Variants in RAB11FIP3 observed in about 807,000 individuals in gnomAD.
RAB11FIP3 encodes RAB11 family interacting protein 3.
In RAB11FIP3, 17 loss-of-function variants were observed where a neutral mutation model predicts 77.8. The ratio of observed to expected loss-of-function variants is 0.22; its 90% CI spans 0.15 to 0.33. The LOEUF is 0.33. RAB11FIP3 is among the 10% of genes least tolerant of loss of function. The pLI is 1.00. For missense variants in RAB11FIP3, 1,005 were observed against 1,011.2 expected (o/e 0.99, Z 0.08); for synonymous variants, 437 against 448.2 (o/e 0.98, Z 0.31).
intron 1 of RAB11FIP3, among the ~76,000 whole-genome samples, chr16:454,631 C>T (rs764469093): frequency 7.2e-5 from 11 of 152,122 alleles, no homozygotes; most frequent in Non-Finnish European, 1.5e-5. Context: ...ATGAAAACAC[C>T]CCTGTCTCTG....
At position 519,037 on chromosome 16, in the gene RAB11FIP3, C is replaced by G; in HGVS notation, c.1722+13C>G. On this transcript the variant is annotated intron_variant, in intron 10 of 13. Coordinates refer to ENST00000262305, the MANE Select transcript of RAB11FIP3 (RefSeq NM_014700.4). ...GCGTCTGGAGGAGGTGAGCTGCCAACAGCCTGGAGCTGTGGCCAGTGGGGC... is the reference window on the plus strand; with the variant it reads ...GCGTCTGGAGGAGGTGAGCTGCCAAGAGCCTGGAGCTGTGGCCAGTGGGGC... 1 of 1,612,530 alleles carries G rather than the reference C, an allele frequency of 6.2e-7. No homozygotes were observed. The highest frequency in any genetic ancestry group is 8.5e-7 in the Non-Finnish European group (1 of 1,179,560).
intron 3 of RAB11FIP3, among the ~76,000 whole-genome samples, chr16:477,205 G>A (rs571573434): frequency 6.6e-6 from 1 of 152,070 alleles, no homozygotes; most frequent in Non-Finnish European, 1.5e-5. Context: ...AGTGAGCCAA[G>A]ATGGCGCCAC....
At chr16:515,587 C>T (rs1431540455) in intron 9 of RAB11FIP3, among the ~76,000 whole-genome samples, 2 of 151,928 alleles carry the variant, frequency 1.3e-5, no homozygotes, top group Non-Finnish European at 2.9e-5. Flanking sequence ...GTGTTTGCAT[C>T]TCGGAGCAGC....
chr16:470,394 A>G (rs1055332323), intron 2 of RAB11FIP3, among the ~76,000 whole-genome samples: 11 of 152,214 alleles, frequency 7.2e-5, no homozygotes, highest in African/African-American at 2.7e-4. Flanking sequence ...CAGCCTCCCA[A>G]AGTGCTGGGA....
At chr16:438,383 G>A (rs1303848825) in intron 1 of RAB11FIP3, among the ~76,000 whole-genome samples, 1 of 150,844 alleles carries the variant, frequency 6.6e-6, no homozygotes, top group Non-Finnish European at 1.5e-5. Context: ...TGGGATTACA[G>A]GCATGAGCCG....
At chr16:485,306 C>T (rs938797206) in intron 4 of RAB11FIP3, among the ~76,000 whole-genome samples, 1 of 152,182 alleles carries the variant, frequency 6.6e-6, no homozygotes, top group Non-Finnish European at 1.5e-5. Flanking sequence ...CTTTTTCTCA[C>T]TGATTATAGG....
At chr16:480,592 C>T (rs917109917) in intron 3 of RAB11FIP3, among the ~76,000 whole-genome samples, 18 of 152,006 alleles carry the variant, frequency 1.2e-4, no homozygotes, top group African/African-American at 3.6e-4. Context: ...CTCCACCTCC[C>T]GGGTTCAAGC....
chr16:508,038 T>C (rs1163905893), intron 8 of RAB11FIP3, among the ~76,000 whole-genome samples: 3 of 152,270 alleles, frequency 2.0e-5, no homozygotes, highest in African/African-American at 7.2e-5. Flanking sequence ...CGTTTTCTTC[T>C]GTTTTGCCAA....
In RAB11FIP3 at chr16:483,625, T is replaced by C. The variant is rs537986052; in HGVS notation, c.1115+889T>C. ...AGAATGGCTCTACAGGACTGTGTCTTGTGGGGAAAGTCTGCACCCTGTAGA... is the reference window on the plus strand; with the variant it reads ...AGAATGGCTCTACAGGACTGTGTCTCGTGGGGAAAGTCTGCACCCTGTAGA... On this transcript the variant is annotated intron_variant, in intron 4 of 13. Coordinates refer to ENST00000262305, the MANE Select transcript of RAB11FIP3 (RefSeq NM_014700.4). Among the ~76,000 whole-genome samples, 262 of 152,252 alleles carry C rather than the reference T, an allele frequency of 1.7e-3. 1 individual carries two copies. Among genetic ancestry groups the C allele is most frequent in the African/African-American group, 6.1e-3 (252 of 41,554 alleles).
intron 9 of RAB11FIP3, among the ~76,000 whole-genome samples, chr16:512,401 C>T (rs1335677584): frequency 3.3e-5 from 5 of 151,844 alleles, no homozygotes; most frequent in South Asian, 2.1e-4. Flanking sequence ...CCACCACGCC[C>T]GGCTAATTTT....
intron 1 of RAB11FIP3, among the ~76,000 whole-genome samples, chr16:447,317 A>T (rs2055333241): frequency 6.6e-6 from 1 of 151,714 alleles, no homozygotes; most frequent in South Asian, 2.1e-4. Flanking sequence ...AAAAGGAAAA[A>T]AGAGAGTCAG....
rs931718492 is a variant in RAB11FIP3, at chr16:511,818, TAGG to T, written c.1640+1021_1640+1023del. ...CCCACCCCAGAAACTGCAGGCCAGG[TAGG>T]AGAGGTTCCTGACGGCCCGCCAACC... On this transcript the variant is annotated intron_variant, in intron 9 of 13. Coordinates refer to ENST00000262305, the MANE Select transcript of RAB11FIP3 (RefSeq NM_014700.4). Among the ~76,000 whole-genome samples, 3 of 71,924 alleles carry T rather than the reference TAGG, an allele frequency of 4.2e-5. No homozygotes were observed. In the Admixed American group the frequency reaches 5.7e-4, roughly 14 times the overall value. 47.2% of individuals were successfully genotyped at this position (71,924 alleles called of 152,430 possible). A position where few individuals can be genotyped will look rare whatever the true frequency, so the allele number is the denominator to read the frequency against.
chr16:481,492 T>A (rs2056041259), intron 3 of RAB11FIP3, among the ~76,000 whole-genome samples: 1 of 151,904 alleles, frequency 6.6e-6, no homozygotes, highest in African/African-American at 2.4e-5. Flanking sequence ...GTCTGGGCGA[T>A]AAGAGTGAGA....
At chr16:474,899 G>A (rs897828381) in intron 3 of RAB11FIP3, 25 of 1,509,552 alleles carry the variant, frequency 1.7e-5, no homozygotes, top group Non-Finnish European at 2.1e-5. Context: ...GTGGTGATGT[G>A]CCTCCAGGTG....
At chr16:459,359 C>T (rs990292613) in intron 1 of RAB11FIP3, among the ~76,000 whole-genome samples, 2 of 151,558 alleles carry the variant, frequency 1.3e-5, no homozygotes, top group Middle Eastern at 3.4e-3. Flanking sequence ...CTCCGGACCT[C>T]AGGTGATCCG....
At chr16:498,745 TC>T (rs1045097462) in intron 6 of RAB11FIP3, among the ~76,000 whole-genome samples, 12 of 152,056 alleles carry the variant, frequency 7.9e-5, no homozygotes, top group African/African-American at 2.9e-4. Flanking sequence ...GCTCTAGCAG[TC>T]CTCCCACCTC....
intron 1 of RAB11FIP3, among the ~76,000 whole-genome samples, chr16:436,434 A>G (rs1475390944): frequency 2.0e-5 from 3 of 152,254 alleles, no homozygotes; most frequent in Middle Eastern, 3.4e-3. Flanking sequence ...CTCAGCCTCC[A>G]GGGGCATGCC....
At chr16:439,913 G>A (rs1487169212) in intron 1 of RAB11FIP3, among the ~76,000 whole-genome samples, 1 of 151,698 alleles carries the variant, frequency 6.6e-6, no homozygotes, top group African/African-American at 2.4e-5. Flanking sequence ...GTGCAATCGC[G>A]GATCAGTGCA....
At chr16:442,563 A>G (rs776854963) in intron 1 of RAB11FIP3, among the ~76,000 whole-genome samples, 31 of 151,812 alleles carry the variant, frequency 2.0e-4, no homozygotes, top group Non-Finnish European at 3.8e-4. Context: ...ATGGTTCTCT[A>G]CTTCTGAAGT....
Sources: allele counts gnomAD v4.1 joint callset (sites outside exome capture counted in the v4.1 genomes callset), GRCh38; gene constraint gnomAD v4.1.1; transcripts MANE v1.5; gene names NCBI Gene and HGNC (gene_info 2026-07-23, HGNC 2026-07-21).